The following SMC3 variants were observed in gnomAD, a reference collection of about 807,000 sequenced individuals.
SMC3 encodes structural maintenance of chromosomes 3, also known as structural maintenance of chromosomes protein 3.
A neutral mutation model predicts 171.8 loss-of-function variants in SMC3; 20 were observed. The ratio of observed to expected loss-of-function variants is 0.12; its 90% confidence interval spans 0.08 to 0.17. The LOEUF (loss-of-function observed/expected upper bound fraction) is 0.17. SMC3 is among the 10% of genes least tolerant of loss of function. The pLI, the probability that SMC3 is intolerant of heterozygous loss-of-function variation, is 1.00. For missense variants in SMC3, 543 were observed against 1,420.4 expected (o/e 0.38, Z 9.93); for synonymous variants, 464 against 451.1 (o/e 1.03, Z -0.36).
chr10:110,577,934 T>TA lies in SMC3; in HGVS notation c.350+20_350+21insA. 7 of 1,533,372 alleles carry TA rather than the reference T, an allele frequency of 4.6e-6. No individual in the cohort carries two copies. Among genetic ancestry groups the TA allele is most frequent in the South Asian group, 1.1e-5 (1 of 89,380 alleles). The allele number at this position is 1,533,372 out of a possible 1,614,324, so 95.0% of individuals were successfully genotyped here. A position where few individuals can be genotyped will look rare whatever the true frequency, so the allele number is the denominator to read the frequency against. ...GGTCACGTAAGCATTTTTCTTTTTT[T>TA]TAAAAAAACTGAATATGTACTTAAA... On this transcript the variant is annotated intron_variant, in intron 6 of 28. Coordinates refer to ENST00000361804, the MANE Select transcript of SMC3 (RefSeq NM_005445.4).
rs1185580450 is a variant in SMC3, at chr10:110,589,658, A to G, written c.1359A>G (p.Arg453=). 2.5e-6 allele frequency: 4 copies of G among 1,611,492 alleles called. No individual in the cohort carries two copies. Among genetic ancestry groups the G allele is most frequent in the Non-Finnish European group, 2.5e-6 (3 of 1,177,918 alleles). The part of the protein sequence containing the change: ...EVKARVEELD[R]KYYEVKNKKD... Reference sequence around the variant, plus strand: ...AAGCTCGAGTAGAAGAACTGGACAGAAAATATTACGAAGTAAAAAATAAGA... The same window carrying G: ...AAGCTCGAGTAGAAGAACTGGACAGGAAATATTACGAAGTAAAAAATAAGA... Residue 453 remains arginine, a synonymous_variant, in exon 14 of 29, where the codon AGA becomes AGG. Coordinates refer to ENST00000361804, the MANE Select transcript of SMC3 (RefSeq NM_005445.4).
Position 110,582,629 on chromosome 10 carries a change from G to A in SMC3, c.791G>A (p.Arg264Lys). ...TTAAGAGATGCTCAGCAGGATGCAA[G>A]AGATAAAATGGAGGTAAGATTATAA... The part of the protein sequence containing the change: ...RQLRDAQQDA[R>K]DKMEDIERQV... Residue 264 changes from arginine to lysine, a missense_variant, in exon 10 of 29, where the codon AGA becomes AAA. Physicochemically the swap from Arg to Lys is conservative, Grantham distance 26. Transcript: ENST00000361804. The A allele has an allele frequency of 6.2e-7, 1 of 1,610,966 alleles. No homozygotes were observed. The highest frequency in any genetic ancestry group is 8.5e-7 in the Non-Finnish European group (1 of 1,177,134).
At chr10:110,573,157 C>T (rs548178245) in intron 2 of SMC3, among the ~76,000 whole-genome samples, 5 of 152,238 alleles carry the variant, frequency 3.3e-5, no homozygotes, top group South Asian at 4.1e-4. Context: ...TCACTAAACA[C>T]ACTTAAAAGG....
chr10:110,582,791 C>T lies in SMC3; in HGVS notation c.804+149C>T, dbSNP rs139814315. 3.7e-3 allele frequency: 2,547 copies of T among 685,034 alleles called. 7 individuals carry two copies. Among genetic ancestry groups the T allele is most frequent in the Admixed American group, 6.8e-3 (315 of 46,092 alleles). 42.4% of individuals were successfully genotyped at this position (685,034 alleles called of 1,614,324 possible). On this transcript the variant is annotated intron_variant, in intron 10 of 28. Coordinates refer to ENST00000361804, the MANE Select transcript of SMC3 (RefSeq NM_005445.4). ...TCAGGCAATCCTCTTGCCGCAGCTT[C>T]CTGAATAGCTGGAGCACAGGTGTGT...
At position 110,584,253 on chromosome 10, in the gene SMC3, A is replaced by G. The variant is rs1861074814; in HGVS notation, c.1162A>G (p.Lys388Glu). ...KQGRGSQFTS[K>E]EERDKWIKKE... ...GGGTCGAGGAAGCCAGTTTACATCA[A>G]AAGAAGAAAGGGATAAGTGGATTAA... Residue 388 changes from lysine to glutamate, a missense_variant, in exon 13 of 29, where the codon AAA (lysine) becomes GAA (glutamate). Coordinates refer to ENST00000361804, the MANE Select transcript of SMC3 (RefSeq NM_005445.4). The G allele has an allele frequency of 6.2e-7, 1 of 1,614,036 alleles. No individual in the cohort carries two copies.
intron 1 of SMC3, among the ~76,000 whole-genome samples, 188 bp from the exon 2 acceptor site, chr10:110,568,750 A>T (rs1203958720): frequency 2.0e-5 from 3 of 150,412 alleles, no homozygotes; most frequent in African/African-American, 7.4e-5. Context: ...CTTGGCAAAG[A>T]TTACCGATAA....
At chr10:110,569,810 C>T (rs531991057) in intron 2 of SMC3, among the ~76,000 whole-genome samples, 3 of 152,252 alleles carry the variant, frequency 2.0e-5, no homozygotes, top group African/African-American at 7.2e-5. Flanking sequence ...AATATGTAGT[C>T]ATTATAGATT....
intron 2 of SMC3, among the ~76,000 whole-genome samples, chr10:110,570,745 G>T (rs921936880): frequency 3.3e-5 from 5 of 152,078 alleles, no homozygotes; most frequent in Non-Finnish European, 7.4e-5. Context: ...TTATCAGTTA[G>T]TTGTGTTACC....
At position 110,593,314 on chromosome 10, in the gene SMC3, G is replaced by C. The variant is rs372956261; in HGVS notation, c.1963+91G>C. On this transcript the variant is annotated intron_variant, in intron 18 of 28. Coordinates refer to ENST00000361804, the MANE Select transcript of SMC3 (RefSeq NM_005445.4). ...TGGCTGGGCGCAGTGGCTCATGCCT[G>C]TAATCCCAGCACTTTGGGAGGCTGA... 1.4e-4 allele frequency: 184 copies of C among 1,320,548 alleles called. 4 individuals are homozygous for C. In the South Asian group the frequency reaches 2.2e-3, roughly 15 times the overall value. The allele number at this position is 1,320,548 out of a possible 1,614,324, so 81.8% of individuals were successfully genotyped here.
intron 9 of SMC3, 107 bp from the exon 10 acceptor site, chr10:110,582,451 ATTTG>A: frequency 1.3e-6 from 1 of 786,480 alleles, no homozygotes; most frequent in Non-Finnish European, 2.1e-6. Flanking sequence ...TTTGTAGAAA[ATTTG>A]AGCAGTTACT....
intron 20 of SMC3, among the ~76,000 whole-genome samples, chr10:110,598,632 C>T (rs1188698752): frequency 6.6e-6 from 1 of 152,150 alleles, no homozygotes; most frequent in African/African-American, 2.4e-5. Context: ...TCTCAAACTC[C>T]TGACCTCAGA....
chr10:110,602,830 A>T lies in SMC3; in HGVS notation c.3303A>T (p.Ser1101=). Residue 1101 remains serine, a synonymous_variant, in exon 27 of 29, where the codon TCA becomes TCT. Coordinates refer to ENST00000361804, the MANE Select transcript of SMC3 (RefSeq NM_005445.4). ...CATAATATGTTTATTTTTAGGTGTC[A>T]TTTACAGGAAAACAAGGTGAAATGA... ...DQFTGVGIRV[S]FTGKQGEMRE... The T allele has an allele frequency of 1.9e-6, 3 of 1,613,740 alleles. No homozygotes were observed. Among genetic ancestry groups the T allele is most frequent in the Non-Finnish European group, 2.5e-6 (3 of 1,179,680 alleles).
At position 110,570,208 on chromosome 10, in the gene SMC3, C is replaced by G. The variant is rs181590833; in HGVS notation, c.91+1195C>G. 1.7e-4 allele frequency among the ~76,000 whole-genome samples: 26 copies of G among 152,238 alleles called. No homozygotes were observed. In the East Asian group the frequency reaches 1.9e-3, roughly 11 times the overall value. ...AACCATAATCATCTTCCAGGGGTCCCCATGTCCAAATACTATCACATTCGG... is the reference window on the plus strand; with the variant it reads ...AACCATAATCATCTTCCAGGGGTCCGCATGTCCAAATACTATCACATTCGG... On this transcript the variant is annotated intron_variant, in intron 2 of 28. Coordinates refer to ENST00000361804, the MANE Select transcript of SMC3 (RefSeq NM_005445.4).
rs751382212 is a variant in SMC3 at position 110,601,026 on chromosome 10, T to G, written c.2540T>G (p.Leu847Arg). 1 of 1,611,800 alleles carries G rather than the reference T, an allele frequency of 6.2e-7. No homozygotes were observed. ...AATTTGTATTTTTTGTTACAGGAAC[T>G]TAATGAGCTGAGAGAGACAGAAGGG... ...RKRLDQVEQELNELRETEGGT... is the reference protein window; with the variant it reads ...RKRLDQVEQERNELRETEGGT... The change falls in exon 23 of 29, where the codon CTT (leucine) becomes CGT (arginine). Residue 847 changes from leucine (L) to arginine (R), a missense_variant. By Grantham distance (102) the Leu-to-Arg change is moderately radical. Coordinates refer to ENST00000361804, the MANE Select transcript of SMC3 (RefSeq NM_005445.4).
In SMC3 at chr10:110,604,329, G is replaced by A. The variant is rs552273300; in HGVS notation, c.*27G>A. Reference sequence around the variant, plus strand: ...TGGAAAATACTACCTACTGGTTTGGGAGATGTATATAGTAATATGATTCTC... The same window carrying A: ...TGGAAAATACTACCTACTGGTTTGGAAGATGTATATAGTAATATGATTCTC... On this transcript the variant is annotated 3_prime_UTR_variant, in exon 29 of 29. Transcript: ENST00000361804. 1.1e-5 allele frequency: 17 copies of A among 1,481,018 alleles called. No homozygotes were observed. In the African/African-American group the frequency reaches 2.3e-4, roughly 20 times the overall value. The allele number at this position is 1,481,018 out of a possible 1,614,324, so 91.7% of individuals were successfully genotyped here.
chr10:110,583,744 G>A, intron 11 of SMC3, 97 bp from the exon 12 acceptor site: 2 of 1,362,524 alleles, frequency 1.5e-6, no homozygotes, highest in Non-Finnish European at 2.1e-6. Context: ...GTTACAGGTG[G>A]GTTTTCTCAT....
At chr10:110,602,417 T>G (rs950543195) in intron 25 of SMC3, 57 bp from the exon 26 acceptor site, 4 of 1,363,946 alleles carry the variant, frequency 2.9e-6, no homozygotes, top group Non-Finnish European at 3.1e-6. Flanking sequence ...ATATTTTACT[T>G]AAGTGTTATA....
In SMC3 at chr10:110,577,933, T is replaced by C. The variant is rs766617627; in HGVS notation, c.350+19T>C. The C allele has an allele frequency of 6.4e-6, 10 of 1,570,740 alleles. No individual in the cohort carries two copies. The African/African-American group carries it at 1.3e-4, about 21-fold the overall frequency. On this transcript the variant is annotated intron_variant, in intron 6 of 28. Transcript: ENST00000361804. ...TGGTCACGTAAGCATTTTTCTTTTT[T>C]TTAAAAAAACTGAATATGTACTTAA... is the stretch of plus-strand genomic sequence containing the variant.
intron 4 of SMC3, 94 bp downstream of exon 4, chr10:110,575,497 G>T: frequency 1.1e-6 from 1 of 899,414 alleles, no homozygotes; most frequent in African/African-American, 1.7e-5. Flanking sequence ...TCAAGTTTCA[G>T]ATTCTTTGTG....
Sources: gnomAD v4.1 joint callset for allele counts (sites outside exome capture counted in the v4.1 genomes callset) on GRCh38, gnomAD v4.1.1 for gene constraint, MANE v1.5 for transcripts, NCBI Gene and HGNC (gene_info 2026-07-23, HGNC 2026-07-21) for gene names.